Variants in LYPLAL1 observed in about 807,000 individuals in gnomAD.
LYPLAL1 encodes lysophospholipase-like protein 1.
LYPLAL1 carries 23 observed loss-of-function variants against 19.7 expected under a neutral mutation model. The ratio of observed to expected loss-of-function variants is 1.17; its 90% CI spans 0.84 to 1.65. LYPLAL1 has a LOEUF of 1.65. LYPLAL1 is among the 40% of genes most tolerant of loss of function. LYPLAL1 has a pLI of 0.00. For synonymous variants in LYPLAL1, 119 were observed against 96.3 expected (o/e 1.24, Z -1.38); for missense variants, 355 against 279.4 (o/e 1.27, Z -1.93).
chr1:219,346,573 G>T, the LYPLAL1 span, among the ~76,000 whole-genome samples: 1 of 151,664 alleles, frequency 6.6e-6, no homozygotes, highest in Non-Finnish European at 1.5e-5. Flanking sequence ...AAACATGTGT[G>T]CAGGAAAAGA....
Position 219,179,265 on chromosome 1 carries a change from CACT to C in LYPLAL1, c.191+20_191+22del. The C allele has an allele frequency of 6.6e-7, 1 of 1,523,272 alleles. No homozygotes were observed. Among genetic ancestry groups the C allele is most frequent in the Middle Eastern group, 1.7e-4 (1 of 5,874 alleles). 94.4% of individuals were successfully genotyped at this position (1,523,272 alleles called of 1,614,324 possible). A position where few individuals can be genotyped will look rare whatever the true frequency, so the allele number is the denominator to read the frequency against. On this transcript the variant is annotated intron_variant, in intron 2 of 4. Transcript: ENST00000366928. ...CTCCCAGGTATGCAGTAATTTATCT[CACT>C]TGTCAATATAACTCTGTGGCATAAA...
chr1:219,277,168 A>AG, the LYPLAL1 span, among the ~76,000 whole-genome samples: 2 of 152,202 alleles, frequency 1.3e-5, no homozygotes, highest in East Asian at 3.9e-4. Context: ...ATCACAGCGT[A>AG]GAATTTACTT....
At chr1:219,249,772 C>T in the LYPLAL1 span, among the ~76,000 whole-genome samples, 1 of 151,990 alleles carries the variant, frequency 6.6e-6, no homozygotes, top group Admixed American at 6.6e-5. Flanking sequence ...CTTTAATTAA[C>T]ATTTCGCTGA....
chr1:219,383,688 G>C, the LYPLAL1 span, among the ~76,000 whole-genome samples: 1 of 152,092 alleles, frequency 6.6e-6, no homozygotes, highest in Non-Finnish European at 1.5e-5. Context: ...ACTATAAATG[G>C]CATAACTCCA....
the LYPLAL1 span, among the ~76,000 whole-genome samples, chr1:219,419,584 C>CAGAG: frequency 4.6e-5 from 6 of 129,088 alleles, no homozygotes; most frequent in African/African-American, 1.8e-4. Flanking sequence ...CACACACACA[C>CAGAG]ACACACACAC....
chr1:219,185,140 T>G (rs1342915686), intron 2 of LYPLAL1, among the ~76,000 whole-genome samples: 1 of 151,990 alleles, frequency 6.6e-6, no homozygotes, highest in Non-Finnish European at 1.5e-5. Context: ...TAATTTGTAT[T>G]TCTCATGAAA....
At chr1:219,404,210 A>G in the LYPLAL1 span, among the ~76,000 whole-genome samples, 1 of 152,228 alleles carries the variant, frequency 6.6e-6, no homozygotes, top group East Asian at 1.9e-4. Context: ...CCTAACTAAT[A>G]TCTCCAAAGC....
downstream of LYPLAL1, among the ~76,000 whole-genome samples, chr1:219,217,476 T>C (rs1485685135): frequency 1.3e-5 from 2 of 150,956 alleles, no homozygotes; most frequent in Admixed American, 6.7e-5. Flanking sequence ...ATATTTTATA[T>C]AATCTTCAAT....
chr1:219,361,390 A>G, the LYPLAL1 span, among the ~76,000 whole-genome samples: 10,404 of 152,188 alleles, frequency 0.068, 501 homozygotes, highest in South Asian at 0.14. Context: ...GGATATAAAT[A>G]TTAAGGTAGA....
At chr1:219,442,198 CTT>C in the LYPLAL1 span, among the ~76,000 whole-genome samples, 1 of 152,160 alleles carries the variant, frequency 6.6e-6, no homozygotes, top group Admixed American at 6.5e-5. Context: ...TCTTCCCTTC[CTT>C]TCCATTTAAT....
chr1:219,331,935 T>C, the LYPLAL1 span, among the ~76,000 whole-genome samples: 1 of 152,144 alleles, frequency 6.6e-6, no homozygotes, highest in African/African-American at 2.4e-5. Flanking sequence ...ACAGTGGAAT[T>C]CTGAATCTTT....
chr1:219,402,594 G>A, the LYPLAL1 span, among the ~76,000 whole-genome samples: 1 of 144,006 alleles, frequency 6.9e-6, no homozygotes, highest in African/African-American at 2.6e-5. Context: ...AAAATAACTG[G>A]ATTGTATTAC....
the LYPLAL1 span, among the ~76,000 whole-genome samples, chr1:219,274,987 C>T: frequency 6.6e-3 from 1,000 of 152,220 alleles, 12 homozygotes; most frequent in African/African-American, 0.023. Context: ...TTTCCTAAGT[C>T]GTTCCTATTG....
At chr1:219,221,447 T>C in the LYPLAL1 span, among the ~76,000 whole-genome samples, 2 of 152,188 alleles carry the variant, frequency 1.3e-5, no homozygotes, top group Admixed American at 6.5e-5. Flanking sequence ...AAGTGAGCTT[T>C]TTTGGACCCT....
chr1:219,415,691 G>A, the LYPLAL1 span, among the ~76,000 whole-genome samples: 6 of 152,176 alleles, frequency 3.9e-5, no homozygotes, highest in African/African-American at 1.4e-4. Flanking sequence ...TAAACTGTGT[G>A]GCTTAAAACA....
At chr1:219,365,627 C>A in the LYPLAL1 span, among the ~76,000 whole-genome samples, 3 of 152,090 alleles carry the variant, frequency 2.0e-5, no homozygotes, top group Non-Finnish European at 1.5e-5. Context: ...GGTGCCAGAC[C>A]AGACCCCCTC....
the LYPLAL1 span, among the ~76,000 whole-genome samples, chr1:219,314,462 T>C: frequency 6.6e-6 from 1 of 152,180 alleles, no homozygotes; most frequent in Admixed American, 6.5e-5. Flanking sequence ...TTTTCTTTTT[T>C]GAGATGGAGT....
the LYPLAL1 span, among the ~76,000 whole-genome samples, chr1:219,333,440 T>C: frequency 6.6e-6 from 1 of 151,912 alleles, no homozygotes; most frequent in African/African-American, 2.4e-5. Flanking sequence ...TAGAAGCATA[T>C]TAGAACAGAG....
At chr1:219,215,254 T>G (rs186844695), downstream of LYPLAL1, among the ~76,000 whole-genome samples, 81 of 152,288 alleles carry the variant, frequency 5.3e-4, no homozygotes, top group Non-Finnish European at 8.8e-4. Flanking sequence ...CAGATAAACA[T>G]GTTTTCTCTT....
Sources: allele counts gnomAD v4.1 joint callset (sites outside exome capture counted in the v4.1 genomes callset), GRCh38; gene constraint gnomAD v4.1.1; transcripts MANE v1.5; gene names NCBI Gene and HGNC (gene_info 2026-07-23, HGNC 2026-07-21).